Variants in SCAPER observed in about 807,000 individuals in gnomAD.
The protein encoded by SCAPER is S-phase cyclin A associated protein in the ER.
Under a neutral mutation model 182.2 loss-of-function variants are expected in SCAPER, and 98 were observed. That is an observed-to-expected ratio of 0.54 (90% confidence interval 0.46 to 0.64). The LOEUF (loss-of-function observed/expected upper bound fraction) is 0.64. Ranked by LOEUF, SCAPER falls within the 30% of genes least tolerant of loss-of-function variation. The probability of loss-of-function intolerance (pLI) is 0.00; values close to 1 mark genes in which losing one functional copy is unlikely to be tolerated. For missense variants in SCAPER, 1,432 were observed against 1,690.0 expected (o/e 0.85, Z 2.68); for synonymous variants, 605 against 564.6 (o/e 1.07, Z -1.01).
intron 17 of SCAPER, 73 bp from the exon 18 acceptor site, chr15:76,706,057 T>G: frequency 8.5e-7 from 1 of 1,179,988 alleles, no homozygotes; most frequent in South Asian, 1.5e-5. Flanking sequence ...AAAAATACAA[T>G]TAGGACACAT....
rs369156420 is a variant in SCAPER at position 76,804,535 on chromosome 15, G to T, written c.492C>A (p.Ser164Arg). Reference protein sequence around the residue: ...QEKLEKTDAQSRPTSLAWEVK... With the variant: ...QEKLEKTDAQRRPTSLAWEVK... ...ATTGAGACCAGAGAGCTCATTACCT[G>T]CTTTGAGCATCTGTCTTCTCTAGCT... The change falls in exon 6 of 32, where the codon AGC (serine) becomes AGA (arginine). Residue 164 changes from serine to arginine, a missense_variant and splice_region_variant. This residue lies in a region of SCAPER where 480 missense variants were observed against 510.2 expected (regional missense o/e 0.94). Coordinates refer to ENST00000563290, the MANE Select transcript of SCAPER (RefSeq NM_020843.4). 1.9e-6 allele frequency: 3 copies of T among 1,603,550 alleles called. 1 individual carries two copies. The African/African-American group carries it at 4.0e-5, about 21-fold the overall frequency.
At chr15:76,865,995 A>C (rs2072264003) in intron 2 of SCAPER, among the ~76,000 whole-genome samples, 1 of 152,110 alleles carries the variant, frequency 6.6e-6, no homozygotes, top group African/African-American at 2.4e-5. Context: ...ACTCATTCTC[A>C]TACTTTCCAA....
intron 26 of SCAPER, among the ~76,000 whole-genome samples, chr15:76,408,620 G>A (rs940321112): frequency 4.6e-5 from 7 of 151,838 alleles, no homozygotes; most frequent in African/African-American, 9.7e-5. Flanking sequence ...AGCAAGGTAC[G>A]AGAAAACCCA....
At chr15:76,790,589 A>G (rs189073375) in intron 8 of SCAPER, among the ~76,000 whole-genome samples, 1 of 152,314 alleles carries the variant, frequency 6.6e-6, no homozygotes, top group African/African-American at 2.4e-5. Context: ...TAATACTCAT[A>G]AAAATCCTCA....
intron 25 of SCAPER, among the ~76,000 whole-genome samples, chr15:76,463,632 G>C (rs2049359984): frequency 6.6e-6 from 1 of 151,984 alleles, no homozygotes. Flanking sequence ...AAATAAGACT[G>C]CTAATAAAAT....
chr15:76,773,571 T>G (rs1181823836), intron 9 of SCAPER, among the ~76,000 whole-genome samples: 1 of 151,924 alleles, frequency 6.6e-6, no homozygotes, highest in Non-Finnish European at 1.5e-5. Context: ...TTCCTATGCG[T>G]TTAGGACTCT....
chr15:76,726,478 A>T (rs1004738628), intron 17 of SCAPER, among the ~76,000 whole-genome samples: 2 of 151,938 alleles, frequency 1.3e-5, no homozygotes, highest in Admixed American at 1.3e-4. Flanking sequence ...CAATAAAATT[A>T]GTATATGATC....
chr15:76,765,346 G>A lies in SCAPER; in HGVS notation c.1604C>T (p.Ser535Phe), dbSNP rs199673250. Residue 535 changes from serine to phenylalanine, a missense_variant, in exon 13 of 32, where the codon TCT (serine) becomes TTT (phenylalanine). Physicochemically the swap from Ser to Phe is radical, Grantham distance 155 (BLOSUM62 -2). Around this residue, in one of 5 missense-constraint regions of SCAPER, gnomAD observed 128 missense variants for 149.9 expected, o/e 0.85. Transcript: ENST00000563290. ...IHMHEKLSSPSRKRTIAESKK... is the reference protein window; with the variant it reads ...IHMHEKLSSPFRKRTIAESKK... ...TTTTCAAATGCCAGACCTTTTACGA[G>A]AGGGTGAAGAAAGTTTTTCATGCAT... is the stretch of plus-strand genomic sequence containing the variant. The A allele has an allele frequency of 6.2e-6, 10 of 1,611,238 alleles. No individual in the cohort carries two copies. The highest frequency in any genetic ancestry group is 8.5e-6 in the Non-Finnish European group (10 of 1,178,206).
Position 76,733,307 on chromosome 15 carries a change from A to T in SCAPER, c.1944T>A (p.Tyr648Ter), listed in dbSNP as rs1457086025. The change falls in exon 16 of 32, where the codon TAT (tyrosine) becomes TAA (stop). Residue 648 changes from tyrosine (Y) to a stop codon, truncating the protein, a stop_gained. Transcript: ENST00000563290. LOFTEE classifies it high-confidence loss of function. The part of the protein sequence containing the change: ...RHDVLSKLKE[Y>*]EQRLNELQEE... The stretch of plus-strand genomic sequence containing the variant: ...CCTGTAGCTCATTAAGCCTCTGTTC[A>T]TATTCCTTCAATTTTGATAAAACAT... 1.9e-6 allele frequency: 3 copies of T among 1,612,826 alleles called. No individual in the cohort carries two copies. The highest frequency in any genetic ancestry group is 2.5e-6 in the Non-Finnish European group (3 of 1,179,448).
intron 2 of SCAPER, 127 bp downstream of exon 2, chr15:76,883,685 T>G: frequency 1.3e-6 from 1 of 799,386 alleles, no homozygotes; most frequent in Non-Finnish European, 1.9e-6. Flanking sequence ...ACTTTATCAC[T>G]GTGCTTTATG....
chr15:76,854,241 C>T (rs1599115501), intron 4 of SCAPER, among the ~76,000 whole-genome samples: 1 of 152,144 alleles, frequency 6.6e-6, no homozygotes, highest in East Asian at 1.9e-4. Flanking sequence ...TGCACTCCAT[C>T]CTGGCAATAG....
chr15:76,707,093 A>G (rs959125186), intron 17 of SCAPER, among the ~76,000 whole-genome samples: 1 of 152,082 alleles, frequency 6.6e-6, no homozygotes, highest in Non-Finnish European at 1.5e-5. Context: ...CCTGAAGTAG[A>G]ATATAGTAAG....
intron 9 of SCAPER, 113 bp downstream of exon 9, chr15:76,774,742 C>T (rs1290235791): frequency 2.6e-6 from 3 of 1,174,302 alleles, no homozygotes; most frequent in Non-Finnish European, 3.5e-6. Flanking sequence ...GTCTATAGAC[C>T]TGAAAATTTT....
chr15:76,880,801 T>C (rs969559462), intron 2 of SCAPER, among the ~76,000 whole-genome samples: 1 of 151,332 alleles, frequency 6.6e-6, no homozygotes, highest in African/African-American at 2.4e-5. Context: ...TACATATAAA[T>C]GTATACATTC....
At chr15:76,510,445 G>A (rs1028651085) in intron 23 of SCAPER, among the ~76,000 whole-genome samples, 1 of 152,058 alleles carries the variant, frequency 6.6e-6, no homozygotes, top group Admixed American at 6.6e-5. Context: ...GATATGAATA[G>A]ACAATTCTCA....
chr15:76,825,537 CA>C (rs10709168), intron 5 of SCAPER, among the ~76,000 whole-genome samples: 41,563 of 151,686 alleles, frequency 0.27, 6,466 homozygotes, highest in East Asian at 0.56. Flanking sequence ...AGTTATTAGT[CA>C]AAAAAAATGT....
chr15:76,396,289 T>G (rs2044047291), intron 27 of SCAPER, among the ~76,000 whole-genome samples: 1 of 152,242 alleles, frequency 6.6e-6, no homozygotes, highest in African/African-American at 2.4e-5. Context: ...TCCCTTAGGA[T>G]AGCTTTGGCT....
intron 8 of SCAPER, chr15:76,793,495 A>C (rs1353151393): frequency 2.0e-6 from 1 of 491,094 alleles, no homozygotes; most frequent in Non-Finnish European, 3.6e-6. Flanking sequence ...GTTGCTTGCC[A>C]ATGGTTTAAT....
chr15:76,488,893 T>C (rs1245413572), intron 24 of SCAPER, among the ~76,000 whole-genome samples: 2 of 151,180 alleles, frequency 1.3e-5, no homozygotes, highest in African/African-American at 4.9e-5. Flanking sequence ...CAGCTAATTT[T>C]TGTATTTTTA....
Sources: gnomAD v4.1 joint callset for allele counts (sites outside exome capture counted in the v4.1 genomes callset) on GRCh38, gnomAD v4.1.1 for gene constraint, gnomAD v4.1.1 regional missense constraint, MANE v1.5 for transcripts, NCBI Gene and HGNC (gene_info 2026-07-23, HGNC 2026-07-21) for gene names.